TLN2: variants seen among roughly 807,000 people sequenced by gnomAD.
TLN2 encodes the protein talin-2.
A neutral mutation model predicts 294.7 loss-of-function variants in TLN2; 118 were observed. The observed-to-expected ratio is 0.40, with a 90% CI of 0.34 to 0.47. The LOEUF (loss-of-function observed/expected upper bound fraction) is 0.47, where lower values mean the gene tolerates loss of function less well. TLN2 is among the 20% of genes least tolerant of loss of function. TLN2 has a pLI of 0.84. For synonymous variants in TLN2, 1,431 were observed against 1,304.5 expected (o/e 1.10, Z -2.09); for missense variants, 3,083 against 3,282.2 (o/e 0.94, Z 1.48).
intron 1 of TLN2, among the ~76,000 whole-genome samples, chr15:62,436,285 G>A (rs1367346472): frequency 2.0e-5 from 3 of 152,230 alleles, no homozygotes; most frequent in South Asian, 4.1e-4. Flanking sequence ...ATGCTCAGGA[G>A]CTCATGGAAA....
At chr15:62,807,694 A>G (rs1596069775) in intron 51 of TLN2, among the ~76,000 whole-genome samples, 1 of 152,052 alleles carries the variant, frequency 6.6e-6, no homozygotes, top group African/African-American at 2.4e-5. Flanking sequence ...TGTGGGTGCT[A>G]TTTGCCCATC....
At chr15:62,710,720 C>CTTTTTTTTT (rs71287048) in intron 21 of TLN2, among the ~76,000 whole-genome samples, 15 of 77,074 alleles carry the variant, frequency 1.9e-4, no homozygotes, top group Non-Finnish European at 2.2e-4. Context: ...TGCTGATGTC[C>CTTTTTTTTT]TTTTTTTTTT....
At chr15:62,838,769 T>A in intron 57 of TLN2, 87 bp from the exon 58 acceptor site, 1 of 1,519,926 alleles carries the variant, frequency 6.6e-7, no homozygotes, top group Non-Finnish European at 8.9e-7. Flanking sequence ...TGACTCATGG[T>A]CTCACAAACT....
chr15:62,618,480 G>A lies in TLN2; in HGVS notation c.-37+5G>A, dbSNP rs1270106535. The A allele has an allele frequency of 1.3e-5, 2 of 152,186 alleles. No individual in the cohort carries two copies. Among genetic ancestry groups the A allele is most frequent in the Non-Finnish European group, 2.9e-5 (2 of 68,058 alleles). The allele number at this position is 152,186 out of a possible 1,614,324, so 9.4% of individuals were successfully genotyped here. A position where few individuals can be genotyped will look rare whatever the true frequency, so the allele number is the denominator to read the frequency against. On this transcript the variant is annotated splice_donor_5th_base_variant and intron_variant, in intron 3 of 58. Coordinates refer to ENST00000636159, the MANE Select transcript of TLN2 (RefSeq NM_015059.3). Reference sequence around the variant, plus strand: ...GAGGACTTGGATGTTGTCATTGTGAGTTGTTTGTATGTTAAAGGTCTTCTG... The same window carrying A: ...GAGGACTTGGATGTTGTCATTGTGAATTGTTTGTATGTTAAAGGTCTTCTG...
chr15:62,755,744 C>T (rs373887428), intron 37 of TLN2, 51 bp downstream of exon 37: 35 of 1,598,580 alleles, frequency 2.2e-5, no homozygotes, highest in South Asian at 2.1e-4. Flanking sequence ...CCTGTTCTGG[C>T]GGGGGAAGGG....
At chr15:62,490,289 T>A (rs1301368319) in intron 1 of TLN2, among the ~76,000 whole-genome samples, 2 of 152,168 alleles carry the variant, frequency 1.3e-5, no homozygotes, top group African/African-American at 4.8e-5. Context: ...ATGGATTCAT[T>A]TGTTTATGAA....
chr15:62,478,965 T>C (rs1204132849), intron 1 of TLN2, among the ~76,000 whole-genome samples: 4 of 152,262 alleles, frequency 2.6e-5, no homozygotes, highest in Admixed American at 6.5e-5. Flanking sequence ...GCAGTTCTTA[T>C]GTTTTAGGCA....
intron 2 of TLN2, among the ~76,000 whole-genome samples, chr15:62,609,611 C>T (rs185295907): frequency 6.6e-6 from 1 of 152,234 alleles, no homozygotes; most frequent in African/African-American, 2.4e-5. Flanking sequence ...TCAGCTGATG[C>T]GTCGTTGGCG....
At chr15:62,560,900 A>G (rs1019639572) in intron 1 of TLN2, among the ~76,000 whole-genome samples, 1 of 152,250 alleles carries the variant, frequency 6.6e-6, no homozygotes, top group Non-Finnish European at 1.5e-5. Flanking sequence ...CCAGGAGGCA[A>G]CGAGGGTGCT....
At chr15:62,769,755 T>C (rs1293280626) in intron 41 of TLN2, among the ~76,000 whole-genome samples, 2 of 152,040 alleles carry the variant, frequency 1.3e-5, no homozygotes, top group African/African-American at 4.8e-5. Flanking sequence ...TAACATGTGA[T>C]GGGAAGAAGC....
chr15:62,800,821 C>G (rs777404325), intron 50 of TLN2, 52 bp downstream of exon 50: 1 of 1,473,824 alleles, frequency 6.8e-7, no homozygotes, highest in East Asian at 2.3e-5. Flanking sequence ...ACAGCTGACC[C>G]CAGTGAGGGC....
intron 1 of TLN2, among the ~76,000 whole-genome samples, chr15:62,527,074 G>C (rs1332437344): frequency 1.3e-5 from 2 of 152,196 alleles, no homozygotes; most frequent in African/African-American, 4.8e-5. Context: ...GCTTGGGAAG[G>C]CCTCCAAGGG....
At chr15:62,509,167 G>A (rs1256681534) in intron 1 of TLN2, among the ~76,000 whole-genome samples, 13 of 152,216 alleles carry the variant, frequency 8.5e-5, no homozygotes, top group Non-Finnish European at 1.5e-4. Flanking sequence ...TATGCTTCCT[G>A]TCTGCGTGTA....
rs2034189766 is a variant in TLN2 at position 62,418,183 on chromosome 15, G to A, written c.-238+27498G>A. ...GTTCAGTGGATGTTGTATGCTGGGT[G>A]CAGTGGTTGACCCACAGTGGGGGCT... On this transcript the variant is annotated intron_variant, in intron 1 of 58. Coordinates refer to ENST00000636159, the MANE Select transcript of TLN2 (RefSeq NM_015059.3). Among the ~76,000 whole-genome samples the A allele has an allele frequency of 3.3e-5, 5 of 152,308 alleles. No homozygotes were observed. The South Asian group carries it at 1.0e-3, about 32-fold the overall frequency.
At chr15:62,792,867 G>A in intron 46 of TLN2, 80 bp downstream of exon 46, 1 of 1,564,720 alleles carries the variant, frequency 6.4e-7, no homozygotes, top group Non-Finnish European at 8.6e-7. Context: ...GACAAAAGCA[G>A]GAAACTCAGC....
chr15:62,441,448 G>A (rs958484791), intron 1 of TLN2, among the ~76,000 whole-genome samples: 1 of 152,156 alleles, frequency 6.6e-6, no homozygotes, highest in African/African-American at 2.4e-5. Flanking sequence ...CATGTAAACA[G>A]AAAACACTGA....
chr15:62,717,836 C>T (rs144799634), intron 24 of TLN2, 147 bp downstream of exon 24: 57 of 531,460 alleles, frequency 1.1e-4, no homozygotes, highest in South Asian at 9.7e-4. Flanking sequence ...GGTGTCTACA[C>T]GTCTGGTTTT....
At chr15:62,555,430 A>C (rs1208192648) in intron 1 of TLN2, among the ~76,000 whole-genome samples, 1 of 152,218 alleles carries the variant, frequency 6.6e-6, no homozygotes, top group Non-Finnish European at 1.5e-5. Flanking sequence ...TTCAGAGTAA[A>C]AGTAATAGAT....
Position 62,713,003 on chromosome 15 carries a change from A to C in TLN2, c.2634+926A>C, listed in dbSNP as rs566485603. On this transcript the variant is annotated intron_variant, in intron 22 of 58. Transcript: ENST00000636159. Reference sequence around the variant, plus strand: ...TCATTAAGGCCAGGCACGGTGGCTCACACCTGTAATCCCAGCACTTTTGGG... The same window carrying C: ...TCATTAAGGCCAGGCACGGTGGCTCCCACCTGTAATCCCAGCACTTTTGGG... Among the ~76,000 whole-genome samples, 34 of 152,320 alleles carry C rather than the reference A, an allele frequency of 2.2e-4. No homozygotes were observed. In the South Asian group the frequency reaches 6.6e-3, roughly 30 times the overall value.
Sources: gnomAD v4.1 joint callset for allele counts (sites outside exome capture counted in the v4.1 genomes callset) on GRCh38, gnomAD v4.1.1 for gene constraint, MANE v1.5 for transcripts, NCBI Gene and HGNC (gene_info 2026-07-23, HGNC 2026-07-21) for gene names.